COL9A3: variants seen among roughly 807,000 people sequenced by gnomAD.
COL9A3 encodes collagen type IX alpha 3 chain.
Under a neutral mutation model 110.2 loss-of-function variants are expected in COL9A3, and 82 were observed. The ratio of observed to expected loss-of-function variants is 0.74; its 90% CI spans 0.62 to 0.89. The LOEUF (loss-of-function observed/expected upper bound fraction) is 0.89. COL9A3 is among the 40% of genes least tolerant of loss of function. COL9A3 has a pLI of 0.00. For missense variants in COL9A3, 1,066 were observed against 981.3 expected (o/e 1.09, Z -1.15); for synonymous variants, 494 against 403.8 (o/e 1.22, Z -2.68).
Position 62,840,394 on chromosome 20 carries a change from C to CCT in COL9A3, c.1865-148_1865-147insCT, listed in dbSNP as rs3835242. ...AGCCCCGCGGAGAGCCTTTGTGTGC[C>CCT]GTTCCCTCGGCCTCCCCACCCGCTG... On this transcript the variant is annotated intron_variant, in intron 31 of 31. Coordinates refer to ENST00000649368, the MANE Select transcript of COL9A3 (RefSeq NM_001853.4). 0.33 allele frequency: 252,574 copies of CCT among 771,308 alleles called. 45,911 individuals are homozygous for CCT. Among genetic ancestry groups the CCT allele is most frequent in the African/African-American group, 0.66 (38,867 of 58,824 alleles). 47.8% of individuals were successfully genotyped at this position (771,308 alleles called of 1,614,324 possible). A position where few individuals can be genotyped will look rare whatever the true frequency, so the allele number is the denominator to read the frequency against.
chr20:62,821,216 G>A lies in COL9A3; in HGVS notation c.345G>A (p.Gly115=), dbSNP rs1385900961. ...GACCCCCGGGGCCGCCCGGGCTGGG[G>A]GTGAGTATGGAGTGTGGTCCTCTCC... The part of the protein sequence containing the change: ...SLGPPGPPGL[G]GKGLPGPPGE... The change falls in exon 6 of 32, where the codon GGG becomes GGA. Residue 115 remains glycine (G), a splice_region_variant and synonymous_variant. Coordinates refer to ENST00000649368, the MANE Select transcript of COL9A3 (RefSeq NM_001853.4). 35 of 1,613,162 alleles carry A rather than the reference G, an allele frequency of 2.2e-5. No individual in the cohort carries two copies. The highest frequency in any genetic ancestry group is 2.8e-5 in the Non-Finnish European group (33 of 1,179,752).
At position 62,822,564 on chromosome 20, in the gene COL9A3, A is replaced by T. The variant is rs569541521; in HGVS notation, c.478-27A>T. On this transcript the variant is annotated intron_variant, in intron 9 of 31. Transcript: ENST00000649368. ...TGCAGGTGGCTGGGGAGGGCGGGAGAATGTCAGCTGTCTCTTTTTGTCTTA... is the reference window on the plus strand; with the variant it reads ...TGCAGGTGGCTGGGGAGGGCGGGAGTATGTCAGCTGTCTCTTTTTGTCTTA... 8 of 1,611,364 alleles carry T rather than the reference A, an allele frequency of 5.0e-6. No homozygotes were observed. The Admixed American group carries it at 1.2e-4, about 23-fold the overall frequency.
chr20:62,826,871 T>A, intron 15 of COL9A3, 51 bp downstream of exon 15: 1 of 1,592,060 alleles, frequency 6.3e-7, no homozygotes. Context: ...CTCTCTCCCC[T>A]TTCCCTCTGC....
At chr20:62,836,051 C>T in intron 27 of COL9A3, 98 bp downstream of exon 27, 1 of 1,607,080 alleles carries the variant, frequency 6.2e-7, no homozygotes, top group Non-Finnish European at 8.5e-7. Context: ...GGGCACTGCC[C>T]AGATCCGAGA....
At chr20:62,839,716 A>ATG (rs2063660777) in intron 31 of COL9A3, among the ~76,000 whole-genome samples, 1 of 42,072 alleles carries the variant, frequency 2.4e-5, no homozygotes, top group Non-Finnish European at 4.7e-5. Flanking sequence ...CCTCTCCTCC[A>ATG]CCCACCCCAC....
chr20:62,818,928 G>A (rs911127665), intron 3 of COL9A3, among the ~76,000 whole-genome samples: 1 of 152,224 alleles, frequency 6.6e-6, no homozygotes, highest in Non-Finnish European at 1.5e-5. Flanking sequence ...CTGGGGGTCC[G>A]ACAGAGATGC....
intron 29 of COL9A3, chr20:62,836,751 G>T: frequency 1.6e-6 from 1 of 631,002 alleles, no homozygotes; most frequent in South Asian, 1.9e-5. Context: ...GATTCAACCA[G>T]ATTCCCAGCA....
chr20:62,824,419 G>A (rs1278040785), intron 10 of COL9A3, 26 bp from the exon 11 acceptor site: 2 of 1,587,696 alleles, frequency 1.3e-6, no homozygotes, highest in South Asian at 1.1e-5. Flanking sequence ...GGCTGGGAGG[G>A]GTCTGACTGC....
At chr20:62,832,850 C>G in intron 25 of COL9A3, 170 bp from the exon 26 acceptor site, 1 of 521,068 alleles carries the variant, frequency 1.9e-6, no homozygotes, top group Non-Finnish European at 3.1e-6. Flanking sequence ...GCAGGTCTCC[C>G]AAGGGCTGTG....
At chr20:62,822,743 C>T (rs971779096) in intron 10 of COL9A3, 111 bp downstream of exon 10, 64 of 1,215,490 alleles carry the variant, frequency 5.3e-5, no homozygotes, top group Non-Finnish European at 7.4e-5. Flanking sequence ...AGGGCCCGAG[C>T]CCTCCCTGGG....
At chr20:62,822,002 G>C in intron 8 of COL9A3, 109 bp from the exon 9 acceptor site, 1 of 830,220 alleles carries the variant, frequency 1.2e-6, no homozygotes, top group Non-Finnish European at 2.1e-6. Flanking sequence ...ACAGTCCGTG[G>C]GAGTGGGGGC....
intron 8 of COL9A3, 120 bp from the exon 9 acceptor site, chr20:62,821,991 C>A: frequency 2.5e-6 from 2 of 808,640 alleles, no homozygotes; most frequent in Non-Finnish European, 4.4e-6. Context: ...CAGACACCAG[C>A]ACAGTCCGTG....
chr20:62,817,513 C>A, intron 1 of COL9A3, 54 bp from the exon 2 acceptor site: 1 of 1,301,168 alleles, frequency 7.7e-7, no homozygotes, highest in South Asian at 1.3e-5. Flanking sequence ...GAGGGGACGC[C>A]GGGTCAGGCC....
chr20:62,837,571 G>T (rs1423644399), intron 30 of COL9A3, among the ~76,000 whole-genome samples: 1 of 152,226 alleles, frequency 6.6e-6, no homozygotes, highest in Non-Finnish European at 1.5e-5. Flanking sequence ...CACTTTGGGG[G>T]GCTGAGGTGG....
intron 22 of COL9A3, 126 bp from the exon 23 acceptor site, chr20:62,830,234 C>G: frequency 8.8e-7 from 1 of 1,133,988 alleles, no homozygotes; most frequent in South Asian, 1.3e-5. Context: ...GCAACCCAGC[C>G]AGGTGGCTTA....
Position 62,822,571 on chromosome 20 carries a change from G to C in COL9A3, c.478-20G>C. 1 of 1,611,976 alleles carries C rather than the reference G, an allele frequency of 6.2e-7. No homozygotes were observed. Among genetic ancestry groups the C allele is most frequent in the Non-Finnish European group, 8.5e-7 (1 of 1,179,912 alleles). ...GGCTGGGGAGGGCGGGAGAATGTCA[G>C]CTGTCTCTTTTTGTCTTAGGGACAC... On this transcript the variant is annotated intron_variant, in intron 9 of 31. Transcript: ENST00000649368.
At chr20:62,825,213 G>A (rs1458927019) in intron 12 of COL9A3, among the ~76,000 whole-genome samples, 192 bp downstream of exon 12, 2 of 151,870 alleles carry the variant, frequency 1.3e-5, no homozygotes, top group Admixed American at 1.3e-4. Context: ...GGGAGGGACC[G>A]TTTCATGGGT....
In COL9A3 at chr20:62,828,970, G is replaced by C. The variant is rs778010606; in HGVS notation, c.1002G>C (p.Gly334=). ...CTCCGGGAGAGAAGGGCCCCAACGG[G>C]CTGCCGGTGAGTGCCCGGCGGGTGG... The part of the protein sequence containing the change: ...NGAPGEKGPN[G]LPGLPGRAGS... Residue 334 remains glycine, a synonymous_variant, in exon 19 of 32, where the codon GGG becomes GGC. Transcript: ENST00000649368. 1 of 1,607,284 alleles carries C rather than the reference G, an allele frequency of 6.2e-7. No individual in the cohort carries two copies. The highest frequency in any genetic ancestry group is 2.2e-5 in the East Asian group (1 of 44,686).
intron 19 of COL9A3, 135 bp downstream of exon 19, chr20:62,829,111 GCCTGGCACAACC>G (rs2063576170): frequency 3.0e-6 from 3 of 998,658 alleles, no homozygotes; most frequent in Non-Finnish European, 2.9e-6. Flanking sequence ...GTCCATCAGG[GCCTGGCACAACC>G]CCTGGTGCCC....
Sources: allele counts gnomAD v4.1 joint callset (sites outside exome capture counted in the v4.1 genomes callset), GRCh38; gene constraint gnomAD v4.1.1; transcripts MANE v1.5; gene names NCBI Gene and HGNC (gene_info 2026-07-23, HGNC 2026-07-21).